Variants in PDGFD observed in about 807,000 individuals in gnomAD.
The protein encoded by PDGFD is platelet derived growth factor D.
PDGFD carries 30 observed loss-of-function variants against 44.7 expected under a neutral mutation model. That is an observed-to-expected ratio of 0.67 (90% CI 0.50 to 0.91). The LOEUF (loss-of-function observed/expected upper bound fraction) is 0.91, where lower values mean the gene tolerates loss of function less well. Ranked by LOEUF, PDGFD falls within the 40% of genes least tolerant of loss-of-function variation. The pLI, the probability that PDGFD is intolerant of heterozygous loss-of-function variation, is 0.00. For missense variants in PDGFD, 445 were observed against 457.8 expected (o/e 0.97, Z 0.25); for synonymous variants, 173 against 168.4 (o/e 1.03, Z -0.21).
At chr11:104,076,702 T>C (rs1860964839) in intron 1 of PDGFD, among the ~76,000 whole-genome samples, 1 of 152,180 alleles carries the variant, frequency 6.6e-6, no homozygotes, top group South Asian at 2.1e-4. Context: ...GGACTACAAT[T>C]GACCCTTGAA....
chr11:104,002,367 G>A (rs1001142794), intron 1 of PDGFD, among the ~76,000 whole-genome samples: 8 of 152,092 alleles, frequency 5.3e-5, no homozygotes, highest in Admixed American at 1.3e-4. Context: ...TGCTGTTCTC[G>A]TGATAATGAG....
At chr11:104,154,920 T>C (rs1862287304) in intron 1 of PDGFD, among the ~76,000 whole-genome samples, 1 of 152,202 alleles carries the variant, frequency 6.6e-6, no homozygotes, top group South Asian at 2.1e-4. Flanking sequence ...AAAAAAAGTC[T>C]GCCAACCTCT....
intron 1 of PDGFD, among the ~76,000 whole-genome samples, chr11:104,135,913 C>G (rs1861997037): frequency 6.7e-6 from 1 of 148,342 alleles, no homozygotes; most frequent in Admixed American, 6.7e-5. Context: ...ATATTACACA[C>G]CAGCTCCAAG....
chr11:104,051,096 C>T (rs1007187385), intron 1 of PDGFD, among the ~76,000 whole-genome samples: 8 of 138,796 alleles, frequency 5.8e-5, no homozygotes, highest in Non-Finnish European at 1.3e-4. Context: ...CAAGGTGATA[C>T]AGGAAAAAAA....
At chr11:104,145,672 A>AAAT (rs1180389895) in intron 1 of PDGFD, among the ~76,000 whole-genome samples, 1 of 152,162 alleles carries the variant, frequency 6.6e-6, no homozygotes, top group Non-Finnish European at 1.5e-5. Flanking sequence ...ATTCTTTGTG[A>AAAT]AATAGTTCAG....
At chr11:103,969,474 GTTTTTTTTTTTT>G (rs66571550) in intron 3 of PDGFD, among the ~76,000 whole-genome samples, 1 of 89,808 alleles carries the variant, frequency 1.1e-5, no homozygotes, top group Admixed American at 1.3e-4. Flanking sequence ...ACCAAGCCTG[GTTTTTTTTTTTT>G]TTTTTTTTTT....
chr11:104,050,010 AC>A (rs1478413647), intron 1 of PDGFD, among the ~76,000 whole-genome samples: 1 of 152,134 alleles, frequency 6.6e-6, no homozygotes, highest in Non-Finnish European at 1.5e-5. Flanking sequence ...ATGAGAGAAC[AC>A]CTTTTACTAT....
At chr11:104,090,864 C>T (rs2134436916) in intron 1 of PDGFD, among the ~76,000 whole-genome samples, 1 of 152,212 alleles carries the variant, frequency 6.6e-6, no homozygotes, top group Middle Eastern at 3.4e-3. Flanking sequence ...TTATTGATCT[C>T]CTGGGTCTTT....
intron 3 of PDGFD, among the ~76,000 whole-genome samples, chr11:103,973,133 G>T (rs260819): frequency 0.27 from 40,037 of 149,506 alleles, 6,095 homozygotes; most frequent in Admixed American, 0.45. Context: ...AGAAGAAAGT[G>T]GTCACTTTTT....
chr11:103,982,533 T>A (rs2134352411), intron 3 of PDGFD, among the ~76,000 whole-genome samples: 1 of 151,780 alleles, frequency 6.6e-6, no homozygotes, highest in Middle Eastern at 3.4e-3. Flanking sequence ...CTCTCATCAC[T>A]CCGATTCAAT....
intron 1 of PDGFD, among the ~76,000 whole-genome samples, chr11:104,147,435 T>A (rs532392474): frequency 6.6e-5 from 10 of 152,290 alleles, no homozygotes; most frequent in Non-Finnish European, 1.5e-5. Context: ...ATTTTCTTGA[T>A]CAAATTATAT....
chr11:104,139,324 C>T (rs361268), intron 1 of PDGFD, among the ~76,000 whole-genome samples: 98,434 of 151,914 alleles, frequency 0.65, 32,456 homozygotes, highest in African/African-American at 0.78. Context: ...GAGCATAATA[C>T]ATGGAGGCTG....
At chr11:104,082,999 C>CT (rs1861068781) in intron 1 of PDGFD, among the ~76,000 whole-genome samples, 1 of 152,138 alleles carries the variant, frequency 6.6e-6, no homozygotes, top group South Asian at 2.1e-4. Context: ...CACCATCTTC[C>CT]TTAATGTCAG....
intron 5 of PDGFD, among the ~76,000 whole-genome samples, chr11:103,938,826 G>T (rs909934573): frequency 2.0e-5 from 3 of 152,134 alleles, no homozygotes; most frequent in Non-Finnish European, 2.9e-5. Context: ...TTTCCCCATT[G>T]CTTGTTTTTC....
At position 104,099,636 on chromosome 11, in the gene PDGFD, C is replaced by CAATAATAAT. The variant is rs72280494; in HGVS notation, c.124+64159_124+64167dup. 8.0e-3 allele frequency among the ~76,000 whole-genome samples: 1,144 copies of CAATAATAAT among 142,726 alleles called. 7 individuals are homozygous for CAATAATAAT. Among genetic ancestry groups the CAATAATAAT allele is most frequent in the East Asian group, 0.026 (126 of 4,892 alleles). 93.6% of individuals were successfully genotyped at this position (142,726 alleles called of 152,430 possible). A position where few individuals can be genotyped will look rare whatever the true frequency, so the allele number is the denominator to read the frequency against. ...GACAGAGTGAAAACTGTTTCAAAAA[C>CAATAATAAT]AATAATAATAATAATAATAATAATA... On this transcript the variant is annotated intron_variant, in intron 1 of 6. Transcript: ENST00000393158.
At position 103,957,326 on chromosome 11, in the gene PDGFD, A is replaced by G. The variant is rs187713076; in HGVS notation, c.511-9602T>C. On this transcript the variant is annotated intron_variant, in intron 3 of 6. Coordinates refer to ENST00000393158, the MANE Select transcript of PDGFD (RefSeq NM_025208.5). ...TTATAGATTCAATGCCATCCCCATC[A>G]AGCTACCAATGACTTTCTTCACAGA... Among the ~76,000 whole-genome samples the G allele has an allele frequency of 6.4e-3, 981 of 152,328 alleles. 12 individuals carry two copies. Among genetic ancestry groups the G allele is most frequent in the African/African-American group, 0.022 (932 of 41,570 alleles).
intron 1 of PDGFD, among the ~76,000 whole-genome samples, chr11:104,019,010 T>C (rs1859908310): frequency 1.3e-5 from 2 of 152,294 alleles, no homozygotes; most frequent in South Asian, 2.1e-4. Flanking sequence ...GCAGAGGGTG[T>C]CCTCTGCAAA....
intron 1 of PDGFD, among the ~76,000 whole-genome samples, chr11:104,060,895 T>A (rs1163527998): frequency 6.6e-6 from 1 of 152,218 alleles, no homozygotes; most frequent in African/African-American, 2.4e-5. Flanking sequence ...AGTGTACAAC[T>A]CAGTGGTATT....
chr11:104,120,837 T>C (rs1006589578), intron 1 of PDGFD, among the ~76,000 whole-genome samples: 2 of 151,948 alleles, frequency 1.3e-5, no homozygotes, highest in Admixed American at 1.3e-4. Context: ...ACTACTGTGA[T>C]TTTTTCCCCC....
Sources: gnomAD v4.1 joint callset for allele counts (sites outside exome capture counted in the v4.1 genomes callset) on GRCh38, gnomAD v4.1.1 for gene constraint, MANE v1.5 for transcripts, NCBI Gene and HGNC (gene_info 2026-07-23, HGNC 2026-07-21) for gene names.